TIAL1: variants seen among roughly 807,000 people sequenced by gnomAD.
The protein encoded by TIAL1 is TIA1 cytotoxic granule associated RNA binding protein like 1.
A neutral mutation model predicts 59.7 loss-of-function variants in TIAL1; 7 were observed. The ratio of observed to expected loss-of-function variants is 0.12; its 90% CI spans 0.07 to 0.22. The LOEUF is 0.22. Ranked by LOEUF, TIAL1 falls within the 10% of genes least tolerant of loss-of-function variation. The probability of loss-of-function intolerance (pLI) is 1.00; values close to 1 mark genes in which losing one functional copy is unlikely to be tolerated. For synonymous variants in TIAL1, 149 were observed against 146.3 expected (o/e 1.02, Z -0.13); for missense variants, 225 against 462.5 (o/e 0.49, Z 4.71).
At chr10:119,589,002 T>C (rs1845715967) in intron 1 of TIAL1, among the ~76,000 whole-genome samples, 1 of 152,112 alleles carries the variant, frequency 6.6e-6, no homozygotes, top group South Asian at 2.1e-4. Context: ...ATAAAGTGAG[T>C]TTATCTTAGA....
chr10:119,594,000 C>T (rs1195040923), intron 1 of TIAL1, among the ~76,000 whole-genome samples: 1 of 151,018 alleles, frequency 6.6e-6, no homozygotes, highest in Non-Finnish European at 1.5e-5. Flanking sequence ...TTCTGAGTAC[C>T]TCTTATGTTC....
chr10:119,575,576 T>C lies in TIAL1; in HGVS notation c.*89A>G, dbSNP rs1844944270. On this transcript the variant is annotated 3_prime_UTR_variant, in exon 12 of 12. Coordinates refer to ENST00000436547, the MANE Select transcript of TIAL1 (RefSeq NM_003252.4). ...ATTTCAATTTTTAAAATAAATATTT[T>C]CATTTTCCGATGTCTACTTTCATGT... The C allele has an allele frequency of 5.2e-6, 8 of 1,527,548 alleles. No individual in the cohort carries two copies. The highest frequency in any genetic ancestry group is 4.6e-5 in the South Asian group (4 of 87,028). The allele number at this position is 1,527,548 out of a possible 1,614,324, so 94.6% of individuals were successfully genotyped here.
chr10:119,578,583 A>G, intron 7 of TIAL1, 143 bp downstream of exon 7: 1 of 693,896 alleles, frequency 1.4e-6, no homozygotes, highest in Non-Finnish European at 2.5e-6. Flanking sequence ...GTGAGCTAAG[A>G]TCATGCCACC....
At chr10:119,584,857 A>C (rs1185727998) in intron 2 of TIAL1, among the ~76,000 whole-genome samples, 1 of 151,980 alleles carries the variant, frequency 6.6e-6, no homozygotes, top group African/African-American at 2.4e-5. Flanking sequence ...CTGTAACCCA[A>C]GCACTTTGGG....
chr10:119,575,699 G>C lies in TIAL1; in HGVS notation c.1094C>G (p.Ala365Gly). ...PPPVIPPPNQ[A>G]GYGMASYQTQ ...TTGGTAACTTGCCATACCATATCCG[G>C]CTTGGTTAGGAGGAGGTATTACAGG... The change falls in exon 12 of 12, where the codon GCC becomes GGC. Residue 365 changes from alanine (A) to glycine (G), a missense_variant. Around this residue, in one of 4 missense-constraint regions of TIAL1, gnomAD observed 68 missense variants for 71.3 expected, o/e 0.95. Coordinates refer to ENST00000436547, the MANE Select transcript of TIAL1 (RefSeq NM_003252.4). The C allele has an allele frequency of 6.2e-7, 1 of 1,612,326 alleles. No individual in the cohort carries two copies. The highest frequency in any genetic ancestry group is 8.5e-7 in the Non-Finnish European group (1 of 1,179,340).
At chr10:119,575,825 C>CAA in intron 11 of TIAL1, 34 bp from the exon 12 acceptor site, 1 of 1,468,986 alleles carries the variant, frequency 6.8e-7, no homozygotes, top group Non-Finnish European at 9.0e-7. Context: ...TCAGCAAACA[C>CAA]AAGAAAAAAA....
chr10:119,577,312 A>T, intron 9 of TIAL1, 109 bp from the exon 10 acceptor site: 1 of 1,454,806 alleles, frequency 6.9e-7, no homozygotes, highest in Non-Finnish European at 9.2e-7. Flanking sequence ...TTTTTTTTCT[A>T]AAGTACATTA....
At chr10:119,578,912 C>A in intron 6 of TIAL1, 78 bp from the exon 7 acceptor site, 1 of 1,099,094 alleles carries the variant, frequency 9.1e-7, no homozygotes, top group Non-Finnish European at 1.4e-6. Context: ...AAAATATCGG[C>A]GCTGCTGGTT....
rs1564737170 is a variant in TIAL1, at chr10:119,582,407, T to C, written c.228+52A>G. The C allele has an allele frequency of 4.6e-6, 7 of 1,533,670 alleles. No homozygotes were observed. In the South Asian group the frequency reaches 6.6e-5, roughly 14 times the overall value. On this transcript the variant is annotated intron_variant, in intron 3 of 11. Coordinates refer to ENST00000436547, the MANE Select transcript of TIAL1 (RefSeq NM_003252.4). The surrounding 1 kb of genome is among the most constrained non-coding windows in gnomAD (Gnocchi z 5.1). ...TTTGCCTAGAAAGAATACAAACTAG[T>C]TTGACATGCAAATATATGTACTCAT...
At chr10:119,580,089 T>C in intron 5 of TIAL1, 79 bp from the exon 6 acceptor site, 2 of 1,139,318 alleles carry the variant, frequency 1.8e-6, no homozygotes, top group Non-Finnish European at 2.5e-6. Context: ...ACACACACTG[T>C]ATTGTGAGCA....
intron 5 of TIAL1, chr10:119,580,764 G>GA (rs1260686199): frequency 3.9e-5 from 42 of 1,080,098 alleles, no homozygotes; most frequent in South Asian, 1.5e-4. Context: ...ATAGAAATGA[G>GA]AAAAAAAATC....
At chr10:119,583,361 C>A (rs1396203369) in intron 2 of TIAL1, among the ~76,000 whole-genome samples, 1 of 152,060 alleles carries the variant, frequency 6.6e-6, no homozygotes, top group Admixed American at 6.5e-5. Context: ...TATTCTGCAA[C>A]CCTGTGCTTG....
chr10:119,587,563 A>AACT (rs1284196840), intron 2 of TIAL1, among the ~76,000 whole-genome samples: 1 of 152,150 alleles, frequency 6.6e-6, no homozygotes, highest in African/African-American at 2.4e-5. Context: ...TGGGCCAAGG[A>AACT]ACTATCTTTA....
At chr10:119,594,723 C>T (rs1846066679) in intron 1 of TIAL1, among the ~76,000 whole-genome samples, 1 of 152,164 alleles carries the variant, frequency 6.6e-6, no homozygotes, top group African/African-American at 2.4e-5. Context: ...CTCCTGGGTT[C>T]AAGTGATTCT....
chr10:119,580,312 G>GTCC (rs1845242087), intron 5 of TIAL1: 2 of 302,760 alleles, frequency 6.6e-6, no homozygotes, highest in Non-Finnish European at 1.2e-5. Context: ...ATTTACTAGT[G>GTCC]TCCTCTAAGG....
Sources: allele counts gnomAD v4.1 joint callset (sites outside exome capture counted in the v4.1 genomes callset), GRCh38; gene constraint gnomAD v4.1.1; regional missense constraint gnomAD v4.1.1; non-coding constraint Gnocchi (gnomAD v3.1); transcripts MANE v1.5; gene names NCBI Gene and HGNC (gene_info 2026-07-23, HGNC 2026-07-21).